ST7L: variants seen among roughly 807,000 people sequenced by gnomAD.
ST7L encodes the protein suppression of tumorigenicity 7 like, also known as suppressor of tumorigenicity 7 protein-like.
Under a neutral mutation model 72.5 loss-of-function variants are expected in ST7L, and 57 were observed. The ratio of observed to expected loss-of-function variants is 0.79; its 90% confidence interval spans 0.64 to 0.98. ST7L has a LOEUF of 0.98. ST7L is among the 50% of genes least tolerant of loss of function. The pLI is 0.00. For missense variants in ST7L, 576 were observed against 672.2 expected, an observed-to-expected ratio of 0.86 and a Z score of 1.58; for synonymous variants, 221 against 240.9, an observed-to-expected ratio of 0.92 and a Z score of 0.77.
intron 14 of ST7L, among the ~76,000 whole-genome samples, chr1:112,530,628 T>A (rs1398011147): frequency 6.6e-6 from 1 of 152,196 alleles, no homozygotes; most frequent in Non-Finnish European, 1.5e-5. Context: ...TTGGCCAGGC[T>A]GGTCTCAAAC....
At chr1:112,535,258 A>G (rs891542402) in intron 14 of ST7L, among the ~76,000 whole-genome samples, 40 of 152,090 alleles carry the variant, frequency 2.6e-4, no homozygotes, top group African/African-American at 9.2e-4. Context: ...TGTAGTCCCA[A>G]CTACTTGGGA....
intron 5 of ST7L, among the ~76,000 whole-genome samples, chr1:112,597,227 A>C (rs1666618473): frequency 6.6e-6 from 1 of 152,238 alleles, no homozygotes; most frequent in South Asian, 2.1e-4. Flanking sequence ...CTTTCTAGAA[A>C]ATGTGACTTT....
At chr1:112,574,450 GA>G (rs1662734428) in intron 11 of ST7L, among the ~76,000 whole-genome samples, 1 of 151,952 alleles carries the variant, frequency 6.6e-6, no homozygotes. Flanking sequence ...ACAAGGTCAG[GA>G]GATCGAGACC....
chr1:112,556,096 C>A (rs1659074851), intron 11 of ST7L, 78 bp from the exon 12 acceptor site: 1 of 1,120,524 alleles, frequency 8.9e-7, no homozygotes, highest in South Asian at 3.5e-5. Context: ...CAAACACCCA[C>A]AAAAATGTAG....
chr1:112,611,410 C>T (rs1044705712), intron 2 of ST7L, among the ~76,000 whole-genome samples: 3 of 152,186 alleles, frequency 2.0e-5, no homozygotes, highest in African/African-American at 7.2e-5. Context: ...ACTCCCAAAT[C>T]AGTCATTTAT....
chr1:112,541,874 G>T, intron 14 of ST7L, 77 bp downstream of exon 14: 1 of 1,567,014 alleles, frequency 6.4e-7, no homozygotes, highest in African/African-American at 1.4e-5. Context: ...GTTCAGCTGG[G>T]TTAGCACAGG....
At chr1:112,530,437 T>C (rs1033469420) in intron 14 of ST7L, among the ~76,000 whole-genome samples, 7 of 152,158 alleles carry the variant, frequency 4.6e-5, no homozygotes, top group African/African-American at 1.7e-4. Context: ...TTTTTTGAGA[T>C]GGATTCTCGC....
intron 5 of ST7L, among the ~76,000 whole-genome samples, chr1:112,595,804 T>A (rs1666399490): frequency 6.6e-6 from 1 of 152,256 alleles, no homozygotes; most frequent in Non-Finnish European, 1.5e-5. Context: ...ATACTATTAT[T>A]TTTAAATGTC....
chr1:112,597,975 G>A lies in ST7L; in HGVS notation c.618C>T (p.Asp206=), dbSNP rs1295444615. The change falls in exon 5 of 15, where the codon GAC becomes GAT. Residue 206 remains aspartate (D), a synonymous_variant. Coordinates refer to ENST00000358039, the MANE Select transcript of ST7L (RefSeq NM_017744.5). ...TCDTDFLRPS[D]TVMQKAWRER... is the part of the protein sequence containing the mutation. ...ATGAACAGATATGATACATACCTGT[G>A]TCTGAAGGACGTAAAAAATCTGTGT... 3 of 1,611,288 alleles carry A rather than the reference G, an allele frequency of 1.9e-6. No individual in the cohort carries two copies. The highest frequency in any genetic ancestry group is 2.5e-6 in the Non-Finnish European group (3 of 1,178,328).
intron 3 of ST7L, among the ~76,000 whole-genome samples, chr1:112,602,170 A>G (rs1229915887): frequency 6.6e-6 from 1 of 152,130 alleles, no homozygotes; most frequent in Non-Finnish European, 1.5e-5. Flanking sequence ...TAAAGAGTTT[A>G]GATATTATCC....
At chr1:112,548,999 TTGTGTGTGTG>T (rs71081247) in intron 13 of ST7L, among the ~76,000 whole-genome samples, 10 of 148,918 alleles carry the variant, frequency 6.7e-5, no homozygotes, top group African/African-American at 2.2e-4. Context: ...GCTTGTTACT[TTGTGTGTGTG>T]TGTGTGTGTG....
At chr1:112,520,944 C>T (rs1458052631), downstream of ST7L, 3 of 173,422 alleles carry the variant, frequency 1.7e-5, no homozygotes, top group Non-Finnish European at 3.7e-5. Context: ...TGGCATGTCC[C>T]TTCTCTGAAG....
At chr1:112,554,254 T>C (rs1275622624) in intron 12 of ST7L, among the ~76,000 whole-genome samples, 1 of 152,204 alleles carries the variant, frequency 6.6e-6, no homozygotes, top group Non-Finnish European at 1.5e-5. Context: ...TTTACTTTCT[T>C]GGTGGTTATA....
In ST7L at chr1:112,610,860, G is replaced by C. The variant is rs901352110; in HGVS notation, c.432C>G (p.Thr144=). ...GSPSRNRENE[T]SRQNLSECKV... is the part of the protein sequence containing the mutation. ...AGTCACCTGACAAATTCTGTCTGCT[G>C]GTTTCATTTTCTCTGTTCCTCGAAG... The change falls in exon 3 of 15, where the codon ACC becomes ACG. Residue 144 remains threonine, a synonymous_variant. Transcript: ENST00000358039. 6.2e-7 allele frequency: 1 copy of C among 1,613,942 alleles called. No individual in the cohort carries two copies. The highest frequency in any genetic ancestry group is 1.3e-5 in the African/African-American group (1 of 75,030).
intron 12 of ST7L, 48 bp from the exon 13 acceptor site, chr1:112,550,741 C>A: frequency 6.8e-7 from 1 of 1,464,990 alleles, no homozygotes. Context: ...TCTCATTTAC[C>A]ATCCTATATT....
chr1:112,520,298 G>C, downstream of ST7L: 1 of 1,614,010 alleles, frequency 6.2e-7, no homozygotes, highest in Non-Finnish European at 8.5e-7. Context: ...GGCACTGCAG[G>C]CCGTGTCTGC....
intron 14 of ST7L, among the ~76,000 whole-genome samples, chr1:112,530,954 T>C (rs1260292336): frequency 6.6e-6 from 1 of 152,220 alleles, no homozygotes; most frequent in Non-Finnish European, 1.5e-5. Flanking sequence ...CTTATCCCAA[T>C]ATCCTTTTAT....
chr1:112,617,723 A>T (rs868317286), intron 1 of ST7L, among the ~76,000 whole-genome samples: 1,789 of 128,924 alleles, frequency 0.014, 37 homozygotes, highest in East Asian at 0.1. Context: ...TCTCTCACAC[A>T]CACACACACA....
chr1:112,616,915 C>A lies in ST7L; in HGVS notation c.206-20G>T. On this transcript the variant is annotated intron_variant, in intron 1 of 14. Transcript: ENST00000358039. The stretch of plus-strand genomic sequence containing the variant: ...CAGTCACTGTCAAAAGAACAAGAAT[C>A]AAAGTTTTAAAAAATGCAAATTTAA... The A allele has an allele frequency of 1.3e-6, 2 of 1,569,410 alleles. No homozygotes were observed. The highest frequency in any genetic ancestry group is 2.3e-5 in the South Asian group (2 of 85,370).
Sources: allele counts gnomAD v4.1 joint callset (sites outside exome capture counted in the v4.1 genomes callset), GRCh38; gene constraint gnomAD v4.1.1; transcripts MANE v1.5; gene names NCBI Gene and HGNC (gene_info 2026-07-23, HGNC 2026-07-21).